Variants in HDX observed in about 807,000 individuals in gnomAD.
HDX encodes highly divergent homeobox.
Under a neutral mutation model 45.2 loss-of-function variants are expected in HDX, and 19 were observed. The ratio of observed to expected loss-of-function variants is 0.42; its 90% CI spans 0.29 to 0.62. The LOEUF is 0.62. Among genes scored for constraint, HDX ranks in the 20% least tolerant of loss-of-function variants. The pLI, the probability that HDX is intolerant of heterozygous loss-of-function variation, is 0.20. For missense variants in HDX, 532 were observed against 493.9 expected (o/e 1.08, Z -0.73); for synonymous variants, 188 against 172.8 (o/e 1.09, Z -0.69).
At chrX:84,389,032 A>T (rs2038382708) in intron 5 of HDX, among the ~76,000 whole-genome samples, 1 of 111,701 alleles carries the variant, frequency 9.0e-6, no homozygotes. Flanking sequence ...ATCCTTATGT[A>T]TGGGTGAATT....
At chrX:84,343,793 T>C (rs1215145289) in intron 7 of HDX, among the ~76,000 whole-genome samples, 1 of 111,204 alleles carries the variant, frequency 9.0e-6, no homozygotes, top group Non-Finnish European at 1.9e-5. Context: ...TAATTCTCTT[T>C]AGCAGATGAG....
At chrX:84,338,890 C>T (rs2037024812) in intron 7 of HDX, among the ~76,000 whole-genome samples, 1 of 110,960 alleles carries the variant, frequency 9.0e-6, no homozygotes, top group Non-Finnish European at 1.9e-5. Context: ...CACCCCATCC[C>T]TCTTCTTCCT....
At chrX:84,398,171 G>A (rs1424222201) in intron 5 of HDX, among the ~76,000 whole-genome samples, 1 of 110,784 alleles carries the variant, frequency 9.0e-6, no homozygotes, top group Admixed American at 9.7e-5. Context: ...GCATCAACTA[G>A]TGTGCAAAAT....
intron 7 of HDX, among the ~76,000 whole-genome samples, chrX:84,339,464 C>T (rs893638671): frequency 5.4e-5 from 6 of 111,386 alleles, no homozygotes; most frequent in African/African-American, 2.0e-4. Context: ...TTACTGGCAA[C>T]ATATTTTGTA....
At chrX:84,460,587 G>A (rs941455186) in intron 4 of HDX, among the ~76,000 whole-genome samples, 1 of 111,789 alleles carries the variant, frequency 8.9e-6, no homozygotes. Flanking sequence ...TTCACAGCTA[G>A]TATCATACTG....
chrX:84,351,028 T>TATC (rs1437066899), intron 6 of HDX, among the ~76,000 whole-genome samples: 3 of 110,039 alleles, frequency 2.7e-5, no homozygotes, highest in Non-Finnish European at 5.7e-5. Context: ...TCTATCTATC[T>TATC]ATCTATCTAT....
At chrX:84,433,857 T>C (rs1234408590) in intron 5 of HDX, among the ~76,000 whole-genome samples, 4 of 111,657 alleles carry the variant, frequency 3.6e-5, no homozygotes, top group Middle Eastern at 4.6e-3. Context: ...ATCCTTCAAT[T>C]CCTTTCATCA....
chrX:84,367,142 C>A (rs1017586731), intron 5 of HDX, among the ~76,000 whole-genome samples: 2 of 105,996 alleles, frequency 1.9e-5, no homozygotes, highest in African/African-American at 6.6e-5. Flanking sequence ...AGAACTTCAA[C>A]AAATTTACAA....
intron 9 of HDX, among the ~76,000 whole-genome samples, 171 bp downstream of exon 9, chrX:84,333,588 G>A (rs1269621623): frequency 2.7e-5 from 3 of 110,617 alleles, no homozygotes; most frequent in Admixed American, 9.7e-5. Flanking sequence ...CCCTAAACCC[G>A]ACAGCAATAA....
At chrX:84,491,971 G>A (rs1192033844) in intron 1 of HDX, among the ~76,000 whole-genome samples, 5 of 111,186 alleles carry the variant, frequency 4.5e-5, no homozygotes, top group Non-Finnish European at 9.4e-5. Flanking sequence ...AACTTGAAGG[G>A]TCCCTCAGCA....
At chrX:84,420,287 A>G (rs2039220342) in intron 5 of HDX, among the ~76,000 whole-genome samples, 1 of 112,045 alleles carries the variant, frequency 8.9e-6, no homozygotes, top group South Asian at 3.7e-4. Flanking sequence ...CAGATGATTG[A>G]AATAATGAAA....
rs778126733 is a variant in HDX, at chrX:84,358,184, T to C, written c.1452+3282A>G. 6.3e-5 allele frequency among the ~76,000 whole-genome samples: 7 copies of C among 111,859 alleles called. No individual in the cohort carries two copies. The East Asian group carries it at 1.7e-3, about 27-fold the overall frequency. ...TACAGCTAAACCTAATTCTAATTAA[T>C]ACAACACATCATTCATAGATGAAAG... is the stretch of plus-strand genomic sequence containing the variant. On this transcript the variant is annotated intron_variant, in intron 6 of 10. Transcript: ENST00000373177.
chrX:84,483,018 A>T (rs1448799508), intron 2 of HDX, among the ~76,000 whole-genome samples: 2 of 111,928 alleles, frequency 1.8e-5, no homozygotes, highest in Non-Finnish European at 3.8e-5. Flanking sequence ...ATCTCCTTTG[A>T]CTCCATGTCC....
At chrX:84,363,026 T>C (rs892756661) in intron 5 of HDX, among the ~76,000 whole-genome samples, 1 of 111,671 alleles carries the variant, frequency 9.0e-6, no homozygotes. Context: ...CTTCATAAGA[T>C]ATATCATATT....
At chrX:84,326,951 C>T (rs1391640078) in intron 9 of HDX, among the ~76,000 whole-genome samples, 1 of 109,403 alleles carries the variant, frequency 9.1e-6, no homozygotes, top group Non-Finnish European at 1.9e-5. Context: ...AGATAGAGTC[C>T]AATTAACCCA....
intron 7 of HDX, among the ~76,000 whole-genome samples, chrX:84,343,410 GCAA>G (rs1445365773): frequency 9.1e-6 from 1 of 110,236 alleles, no homozygotes; most frequent in African/African-American, 3.3e-5. Context: ...AACTAAAACA[GCAA>G]CAACAACAAC....
intron 5 of HDX, among the ~76,000 whole-genome samples, chrX:84,433,751 T>C (rs1307627699): frequency 9.0e-6 from 1 of 111,509 alleles, no homozygotes; most frequent in Non-Finnish European, 1.9e-5. Flanking sequence ...ATAAATATTT[T>C]ATTGAATCTG....
chrX:84,325,322 C>T (rs1353911986), intron 10 of HDX, among the ~76,000 whole-genome samples: 4 of 111,348 alleles, frequency 3.6e-5, no homozygotes, highest in Admixed American at 1.9e-4. Flanking sequence ...GTACTCCTGA[C>T]ATTCCTTGAT....
At chrX:84,382,900 T>A (rs994591372) in intron 5 of HDX, among the ~76,000 whole-genome samples, 1 of 111,169 alleles carries the variant, frequency 9.0e-6, no homozygotes, top group African/African-American at 3.3e-5. Context: ...AGATGGGATA[T>A]CCCATTCTCC....
Sources: gnomAD v4.1 joint callset for allele counts (sites outside exome capture counted in the v4.1 genomes callset) on GRCh38, gnomAD v4.1.1 for gene constraint, MANE v1.5 for transcripts, NCBI Gene and HGNC (gene_info 2026-07-23, HGNC 2026-07-21) for gene names.